The following HIVEP3 variants were observed in gnomAD, a reference collection of about 807,000 sequenced individuals.
HIVEP3 encodes the protein HIVEP zinc finger 3, also known as transcription factor HIVEP3.
A neutral mutation model predicts 152.8 loss-of-function variants in HIVEP3; 49 were observed. The observed-to-expected ratio is 0.32, with a 90% CI of 0.26 to 0.41. The LOEUF (loss-of-function observed/expected upper bound fraction) is 0.41. HIVEP3 is among the 10% of genes least tolerant of loss of function. HIVEP3 has a pLI of 1.00. For missense variants in HIVEP3, 2,790 were observed against 3,103.3 expected (o/e 0.90, Z 2.40); for synonymous variants, 1,269 against 1,289.0 (o/e 0.98, Z 0.33).
At chr1:41,528,937 A>C (rs1392864250) in intron 5 of HIVEP3, among the ~76,000 whole-genome samples, 3 of 56,804 alleles carry the variant, frequency 5.3e-5, no homozygotes, top group Non-Finnish European at 3.6e-5. Context: ...CCGCCCTCAC[A>C]CTCACCTTCA....
intron 1 of HIVEP3, among the ~76,000 whole-genome samples, chr1:41,724,773 C>T (rs1646729115): frequency 6.6e-6 from 1 of 152,256 alleles, no homozygotes; most frequent in Non-Finnish European, 1.5e-5. Flanking sequence ...TGCCAAATCT[C>T]GCCTGAGGCC....
At chr1:41,987,281 GA>G (rs1645330141) in intron 1 of HIVEP3, among the ~76,000 whole-genome samples, 1 of 151,972 alleles carries the variant, frequency 6.6e-6, no homozygotes, top group African/African-American at 2.4e-5. Flanking sequence ...CATAGAAATA[GA>G]AAAATCCCAG....
At chr1:41,710,390 G>A (rs1345517655) in intron 1 of HIVEP3, among the ~76,000 whole-genome samples, 3 of 152,150 alleles carry the variant, frequency 2.0e-5, no homozygotes, top group African/African-American at 7.2e-5. Flanking sequence ...CCATTTCTAA[G>A]GTCGCGCCAG....
intron 1 of HIVEP3, among the ~76,000 whole-genome samples, chr1:41,913,057 C>T (rs939863923): frequency 6.6e-6 from 1 of 152,232 alleles, no homozygotes; most frequent in African/African-American, 2.4e-5. Context: ...AGGGAGTCTT[C>T]TCAAAGACCC....
At position 41,693,067 on chromosome 1, in the gene HIVEP3, T is replaced by C. The variant is rs141899144; in HGVS notation, c.-721+7849A>G. ...ATGCCCACTTTGCAGATGAGGACTT[T>C]GATGCTTAGAGATGTTAAGGAACTT... is the stretch of plus-strand genomic sequence containing the variant. On this transcript the variant is annotated intron_variant, in intron 2 of 8. Transcript: ENST00000372583. Among the ~76,000 whole-genome samples, 926 of 152,350 alleles carry C rather than the reference T, an allele frequency of 6.1e-3. 13 individuals are homozygous for C. Among genetic ancestry groups the C allele is most frequent in the African/African-American group, 0.021 (891 of 41,580 alleles).
intron 1 of HIVEP3, among the ~76,000 whole-genome samples, chr1:41,736,125 G>T (rs1324184714): frequency 1.3e-5 from 2 of 152,172 alleles, no homozygotes; most frequent in African/African-American, 4.8e-5. Flanking sequence ...TATCACAACA[G>T]CCCTTCACGC....
intron 1 of HIVEP3, among the ~76,000 whole-genome samples, chr1:41,912,591 T>C (rs1031774490): frequency 6.6e-6 from 1 of 152,208 alleles, no homozygotes; most frequent in Non-Finnish European, 1.5e-5. Context: ...CCAGGGCACA[T>C]TATGCTCTGG....
chr1:41,582,156 G>A lies in HIVEP3; in HGVS notation c.2642C>T (p.Thr881Ile). ...PEPPPKEPEK[T>I]EEFQWPQRSQ... is the part of the protein sequence containing the mutation. ...GCGCTGGGGCCATTGGAACTCCTCA[G>A]TCTTCTCAGGTTCCTTAGGGGGCGG... Residue 881 changes from threonine (T) to isoleucine (I), a missense_variant, in exon 4 of 9, where the codon ACT becomes ATT. Thr to Ile is a moderately conservative substitution (Grantham distance 89, BLOSUM62 -1). Coordinates refer to ENST00000372583, the MANE Select transcript of HIVEP3 (RefSeq NM_024503.5). The surrounding 1 kb of genome is among the most constrained non-coding windows in gnomAD (Gnocchi z 4.7). The A allele has an allele frequency of 6.2e-7, 1 of 1,614,054 alleles. No individual in the cohort carries two copies. Among genetic ancestry groups the A allele is most frequent in the Non-Finnish European group, 8.5e-7 (1 of 1,179,972 alleles).
chr1:41,512,866 G>T lies in HIVEP3; in HGVS notation c.6355C>A (p.Leu2119Ile). 1 of 1,548,892 alleles carries T rather than the reference G, an allele frequency of 6.5e-7. No homozygotes were observed. The highest frequency in any genetic ancestry group is 8.7e-7 in the Non-Finnish European group (1 of 1,142,930). ...CTTCTGCTGAGGAGCTTGTGAGGTA[G>T]AGGCGCGGGCGGGAAGAGAACCCGT... ...DPRVLFPPAP[L>I]PHKLLSRSPE... Residue 2119 changes from leucine (L) to isoleucine (I), a missense_variant, in exon 8 of 9, where the codon CTA (leucine) becomes ATA (isoleucine). By Grantham distance (5) the Leu-to-Ile change is conservative (BLOSUM62 2). Coordinates refer to ENST00000372583, the MANE Select transcript of HIVEP3 (RefSeq NM_024503.5).
intron 1 of HIVEP3, among the ~76,000 whole-genome samples, chr1:41,773,513 CG>C (rs1648507747): frequency 6.7e-6 from 1 of 149,224 alleles, no homozygotes; most frequent in African/African-American, 2.5e-5. Flanking sequence ...GACACCCTCC[CG>C]GAATCCAGTA....
In HIVEP3 at chr1:41,509,402, CA is replaced by C. The variant is rs1264792308; in HGVS notation, c.*1048del. ...CTGTGGAGAACTGGAAAAACCCAGC[CA>C]TGAGGGGAACAGGCTCCCTTGTACC... On this transcript the variant is annotated 3_prime_UTR_variant, in exon 9 of 9. Transcript: ENST00000372583. 1.3e-5 allele frequency: 2 copies of C among 152,176 alleles called. No homozygotes were observed. Among genetic ancestry groups the C allele is most frequent in the African/African-American group, 4.8e-5 (2 of 41,412 alleles). 9.4% of individuals were successfully genotyped at this position (152,176 alleles called of 1,614,324 possible). A position where few individuals can be genotyped will look rare whatever the true frequency, so the allele number is the denominator to read the frequency against.
At chr1:41,825,828 G>A (rs1360059637) in intron 1 of HIVEP3, among the ~76,000 whole-genome samples, 3 of 151,980 alleles carry the variant, frequency 2.0e-5, no homozygotes, top group East Asian at 1.9e-4. Context: ...AGCTGGTCTC[G>A]AACTGCTGGG....
rs150294017 is a variant in HIVEP3 at position 41,851,459 on chromosome 1, C to T, written c.-801+66954G>A. 1.5e-3 allele frequency among the ~76,000 whole-genome samples: 225 copies of T among 152,146 alleles called. 6 individuals carry two copies. In the East Asian group the frequency reaches 0.04, roughly 27 times the overall value. On this transcript the variant is annotated intron_variant, in intron 1 of 8. Coordinates refer to ENST00000372583, the MANE Select transcript of HIVEP3 (RefSeq NM_024503.5). Reference sequence around the variant, plus strand: ...CTGGGTCTACAGGCACGTGCCACCACACCTGGCTAATTTTTGTATTTTTAG... The same window carrying T: ...CTGGGTCTACAGGCACGTGCCACCATACCTGGCTAATTTTTGTATTTTTAG...
chr1:41,510,219 GTT>G lies in HIVEP3; in HGVS notation c.*230_*231del, dbSNP rs150626959. On this transcript the variant is annotated 3_prime_UTR_variant, in exon 9 of 9. Transcript: ENST00000372583. ...AGCCTCAGACTCCTCGTGGGTTGTT[GTT>G]TTTTTTTTAAATGTATGTATGTGAT... The G allele has an allele frequency of 2.8e-5, 10 of 353,574 alleles. No individual in the cohort carries two copies. Among genetic ancestry groups the G allele is most frequent in the Non-Finnish European group, 5.0e-5 (10 of 199,438 alleles). The allele number at this position is 353,574 out of a possible 1,614,324, so 21.9% of individuals were successfully genotyped here. A position where few individuals can be genotyped will look rare whatever the true frequency, so the allele number is the denominator to read the frequency against.
intron 1 of HIVEP3, among the ~76,000 whole-genome samples, chr1:41,969,854 A>T (rs554997228): frequency 3.3e-5 from 5 of 152,338 alleles, no homozygotes; most frequent in Non-Finnish European, 2.9e-5. Context: ...AGTTGAATAA[A>T]TTTACAAGCA....
chr1:41,916,458 TAAC>T (rs1570803280), intron 1 of HIVEP3, among the ~76,000 whole-genome samples: 1 of 152,162 alleles, frequency 6.6e-6, no homozygotes, highest in East Asian at 1.9e-4. Flanking sequence ...GGGCCCCTGT[TAAC>T]AATTCTGTAT....
intron 3 of HIVEP3, among the ~76,000 whole-genome samples, chr1:41,624,792 T>G (rs1645092804): frequency 6.6e-6 from 1 of 152,198 alleles, no homozygotes; most frequent in African/African-American, 2.4e-5. Flanking sequence ...CCAGATAATG[T>G]TGAACTGAAG....
chr1:41,879,758 C>A (rs890648701), intron 1 of HIVEP3, among the ~76,000 whole-genome samples: 1 of 152,210 alleles, frequency 6.6e-6, no homozygotes, highest in African/African-American at 2.4e-5. Flanking sequence ...ACTGTGAAAC[C>A]TCTGCTTCTA....
chr1:41,890,435 G>A (rs747943122), intron 1 of HIVEP3, among the ~76,000 whole-genome samples: 1 of 152,202 alleles, frequency 6.6e-6, no homozygotes, highest in Admixed American at 6.5e-5. Context: ...GAGTTCTGAA[G>A]AGCCACAGTA....
Sources: gnomAD v4.1 joint callset for allele counts (sites outside exome capture counted in the v4.1 genomes callset) on GRCh38, gnomAD v4.1.1 for gene constraint, Gnocchi (gnomAD v3.1) non-coding constraint, MANE v1.5 for transcripts, NCBI Gene and HGNC (gene_info 2026-07-23, HGNC 2026-07-21) for gene names.